The following THRAP3 variants were observed in gnomAD, a reference collection of about 807,000 sequenced individuals.
The protein encoded by THRAP3 is thyroid hormone receptor associated protein 3.
Under a neutral mutation model 101.0 loss-of-function variants are expected in THRAP3, and 16 were observed. The observed-to-expected ratio is 0.16, with a 90% CI of 0.11 to 0.24. The LOEUF (loss-of-function observed/expected upper bound fraction) is 0.24, where lower values mean the gene tolerates loss of function less well. THRAP3 is among the 10% of genes least tolerant of loss of function. The pLI is 1.00. For missense variants in THRAP3, 989 were observed against 1,202.7 expected (o/e 0.82, Z 2.63); for synonymous variants, 407 against 422.6 (o/e 0.96, Z 0.45).
rs576752884 is a variant in THRAP3 at position 36,233,981 on chromosome 1, G to C, written c.-135+9476G>C. On this transcript the variant is annotated intron_variant, in intron 1 of 11. Coordinates refer to ENST00000354618, the MANE Select transcript of THRAP3 (RefSeq NM_005119.4). ...TCTTTTTCTTTTTATTTTGAGATAG[G>C]GTCTTGTTTTGTCACCCAGGCTGGA... 8.6e-4 allele frequency among the ~76,000 whole-genome samples: 130 copies of C among 151,840 alleles called. 2 individuals are homozygous for C. The highest frequency in any genetic ancestry group is 1.7e-3 in the Non-Finnish European group (117 of 67,982).
At chr1:36,269,657 T>C (rs1645563170) in intron 2 of THRAP3, among the ~76,000 whole-genome samples, 1 of 152,258 alleles carries the variant, frequency 6.6e-6, no homozygotes, top group Admixed American at 6.5e-5. Context: ...CACTGCAGCC[T>C]GGACCTGGGC....
At position 36,299,178 on chromosome 1, in the gene THRAP3, C is replaced by T. The variant is rs190514175; in HGVS notation, c.2304-1708C>T. 1.2e-4 allele frequency among the ~76,000 whole-genome samples: 18 copies of T among 152,092 alleles called. No individual in the cohort carries two copies. In the East Asian group the frequency reaches 2.8e-3, roughly 23 times the overall value. The stretch of plus-strand genomic sequence containing the variant: ...AATGCTGGCCGGATGCGGTGGCTCA[C>T]GCCTGTAATCCCAGCACTTTGGGAG... On this transcript the variant is annotated intron_variant, in intron 9 of 11. Transcript: ENST00000354618.
In THRAP3 at chr1:36,286,156, C is replaced by G. The variant is rs945932003; in HGVS notation, c.138-212C>G. ...TGTGCTGCAATATGAATGAAGTGAC[C>G]TGTGTTTCATCACTTGTTCAAATGA... On this transcript the variant is annotated intron_variant, in intron 3 of 11. Transcript: ENST00000354618. This position sits in a 1 kb window ranked among gnomAD's most constrained non-coding sequence, Gnocchi z 5.5. Among the ~76,000 whole-genome samples the G allele has an allele frequency of 3.9e-5, 6 of 152,158 alleles. No homozygotes were observed. Among genetic ancestry groups the G allele is most frequent in the African/African-American group, 1.4e-4 (6 of 41,442 alleles).
chr1:36,285,835 G>A (rs546577204), intron 3 of THRAP3, among the ~76,000 whole-genome samples: 7 of 152,096 alleles, frequency 4.6e-5, no homozygotes, highest in Admixed American at 1.3e-4. Context: ...TACTTTTAAC[G>A]ATCCCAAGCC....
At chr1:36,236,177 G>A (rs568602756) in intron 1 of THRAP3, among the ~76,000 whole-genome samples, 3 of 149,462 alleles carry the variant, frequency 2.0e-5, no homozygotes, top group South Asian at 2.1e-4. Context: ...CCGAGATCGC[G>A]CCCCTGCACT....
At chr1:36,214,702 C>T in the THRAP3 span, among the ~76,000 whole-genome samples, 1 of 151,358 alleles carries the variant, frequency 6.6e-6, no homozygotes, top group African/African-American at 2.4e-5. Context: ...ACTAAAAATG[C>T]AAAAAAATTA....
intron 8 of THRAP3, among the ~76,000 whole-genome samples, chr1:36,294,962 G>A (rs1645926079): frequency 6.6e-6 from 1 of 152,166 alleles, no homozygotes; most frequent in Non-Finnish European, 1.5e-5. Flanking sequence ...GGTGGCTCAA[G>A]CCTGTAATCC....
intron 2 of THRAP3, among the ~76,000 whole-genome samples, chr1:36,265,276 A>G (rs1645498944): frequency 1.3e-5 from 2 of 152,170 alleles, no homozygotes; most frequent in South Asian, 2.1e-4. Flanking sequence ...ATGAGCACAT[A>G]AGAAAACTTT....
intron 1 of THRAP3, among the ~76,000 whole-genome samples, chr1:36,231,644 C>T (rs764158535): frequency 3.9e-5 from 6 of 151,970 alleles, no homozygotes; most frequent in African/African-American, 7.3e-5. Context: ...TCCTTTTTCT[C>T]GATTTTAGTA....
intron 5 of THRAP3, 57 bp downstream of exon 5, chr1:36,289,821 A>C (rs1487700508): frequency 6.5e-7 from 1 of 1,527,162 alleles, no homozygotes; most frequent in Non-Finnish European, 8.8e-7. Flanking sequence ...GGTGTCGCCT[A>C]GCCTTTCTCC....
Position 36,296,660 on chromosome 1 carries a change from T to G in THRAP3, c.2193T>G (p.Asp731Glu), listed in dbSNP as rs1027515285. 5 of 1,609,980 alleles carry G rather than the reference T, an allele frequency of 3.1e-6. No individual in the cohort carries two copies. Among genetic ancestry groups the G allele is most frequent in the Admixed American group, 3.4e-5 (2 of 58,702 alleles). Residue 731 changes from aspartate to glutamate, a missense_variant, in exon 9 of 12, where the codon GAT becomes GAG. Asp to Glu is a conservative substitution (Grantham distance 45, BLOSUM62 2). Transcript: ENST00000354618. ...GTCGTAAAAAACATAAGGAGAGAGA[T>G]CTTAAACGAGGTAAATCGAGAGAAT... ...IERRKKHKER[D>E]LKRGKSRESV...
intron 1 of THRAP3, among the ~76,000 whole-genome samples, chr1:36,231,948 G>C (rs1346138309): frequency 6.6e-6 from 1 of 152,160 alleles, no homozygotes; most frequent in African/African-American, 2.4e-5. Context: ...GGTGTGGTGT[G>C]GTTCACGCCT....
chr1:36,217,899 T>G, the THRAP3 span, among the ~76,000 whole-genome samples: 2 of 152,126 alleles, frequency 1.3e-5, no homozygotes, highest in African/African-American at 2.4e-5. Context: ...TTAGGCCAAT[T>G]AATAACCCTA....
intron 1 of THRAP3, among the ~76,000 whole-genome samples, chr1:36,245,000 G>A (rs947815301): frequency 3.3e-5 from 5 of 151,826 alleles, no homozygotes; most frequent in Admixed American, 2.6e-4. Context: ...GATTACAGGC[G>A]TGAGCCACCA....
intron 2 of THRAP3, among the ~76,000 whole-genome samples, chr1:36,265,738 A>G (rs4653171): frequency 0.04 from 6,123 of 152,258 alleles, 151 homozygotes; most frequent in Non-Finnish European, 0.057. Flanking sequence ...TACATGTGCC[A>G]TGGTGGTTTG....
In THRAP3 at chr1:36,288,613, A is replaced by G. The variant is rs1645825959; in HGVS notation, c.1041-447A>G. 9.1e-6 allele frequency: 9 copies of G among 985,322 alleles called. No individual in the cohort carries two copies. The South Asian group carries it at 2.8e-4, about 31-fold the overall frequency. The allele number at this position is 985,322 out of a possible 1,614,324, so 61.0% of individuals were successfully genotyped here. On this transcript the variant is annotated intron_variant, in intron 4 of 11. Coordinates refer to ENST00000354618, the MANE Select transcript of THRAP3 (RefSeq NM_005119.4). ...ATTTGAAGTCTCTTTTTAGACTTGT[A>G]TTTCCAAATGTGAGTTGTATAAAAG...
chr1:36,226,894 G>C (rs1644968375), intron 1 of THRAP3, among the ~76,000 whole-genome samples: 1 of 152,222 alleles, frequency 6.6e-6, no homozygotes, highest in South Asian at 2.1e-4. Flanking sequence ...TGGGGGCGGG[G>C]AACACAAAAG....
chr1:36,253,760 A>ATTTTTTTTT lies in THRAP3; in HGVS notation c.-134-5611_-134-5603dup, dbSNP rs58306701. Among the ~76,000 whole-genome samples the ATTTTTTTTT allele has an allele frequency of 1.4e-3, 144 of 100,214 alleles. 3 individuals carry two copies. The highest frequency in any genetic ancestry group is 1.7e-3 in the Non-Finnish European group (92 of 53,972). The allele number at this position is 100,214 out of a possible 152,430, so 65.7% of individuals were successfully genotyped here. ...AGGCGTACACCATTGAGTCAGGCTA[A>ATTTTTTTTT]TTTTTTTTTTTTTTTTTTTAGTTTT... On this transcript the variant is annotated intron_variant, in intron 1 of 11. Coordinates refer to ENST00000354618, the MANE Select transcript of THRAP3 (RefSeq NM_005119.4).
At chr1:36,233,378 C>T (rs886931376) in intron 1 of THRAP3, among the ~76,000 whole-genome samples, 1 of 151,646 alleles carries the variant, frequency 6.6e-6, no homozygotes, top group East Asian at 1.9e-4. Context: ...TGCTGGTGGG[C>T]GCCTGTAGTC....
Sources: allele counts gnomAD v4.1 joint callset (sites outside exome capture counted in the v4.1 genomes callset), GRCh38; gene constraint gnomAD v4.1.1; non-coding constraint Gnocchi (gnomAD v3.1); transcripts MANE v1.5; gene names NCBI Gene and HGNC (gene_info 2026-07-23, HGNC 2026-07-21).